ZEB2: variants seen among roughly 807,000 people sequenced by gnomAD.
ZEB2 encodes the protein zinc finger E-box binding homeobox 2.
In ZEB2, 6 loss-of-function variants were observed where a neutral mutation model predicts 99.9. The ratio of observed to expected loss-of-function variants is 0.06; its 90% confidence interval spans 0.03 to 0.12. The LOEUF is 0.12. Among genes scored for constraint, ZEB2 ranks in the 10% least tolerant of loss-of-function variants. ZEB2 has a pLI of 1.00. For synonymous variants in ZEB2, 517 were observed against 542.5 expected (o/e 0.95, Z 0.65); for missense variants, 969 against 1,502.8 (o/e 0.64, Z 5.87).
intron 2 of ZEB2, among the ~76,000 whole-genome samples, chr2:144,472,553 C>CG: frequency 6.6e-6 from 1 of 152,186 alleles, no homozygotes; most frequent in East Asian, 1.9e-4. Context: ...TCTTATTACT[C>CG]ATCACAACAA....
intron 2 of ZEB2, among the ~76,000 whole-genome samples, chr2:144,483,635 A>G (rs1376648232): frequency 6.6e-6 from 1 of 152,226 alleles, no homozygotes; most frequent in Admixed American, 6.5e-5. Context: ...GAGATGTGAA[A>G]AAATGTTAAC....
intron 6 of ZEB2, among the ~76,000 whole-genome samples, chr2:144,403,181 C>T (rs947196949): frequency 6.6e-5 from 10 of 152,140 alleles, no homozygotes; most frequent in Non-Finnish European, 1.5e-4. Context: ...TTAAGGAACA[C>T]TGTGAATCAA....
chr2:144,491,718 T>C (rs892632282), intron 2 of ZEB2, among the ~76,000 whole-genome samples: 12 of 152,220 alleles, frequency 7.9e-5, no homozygotes, highest in African/African-American at 2.9e-4. Context: ...AAGGCAGTAA[T>C]TAATTCACTT....
intron 2 of ZEB2, among the ~76,000 whole-genome samples, chr2:144,441,543 A>T (rs934544044): frequency 4.4e-5 from 5 of 113,480 alleles, no homozygotes; most frequent in African/African-American, 1.1e-4. Context: ...TTAATTTTCT[A>T]AAAAAAAAAA....
rs1207835928 is a variant in ZEB2 at position 144,384,376 on chromosome 2, T to G, written c.*5075A>C. The G allele has an allele frequency of 6.6e-6, 1 of 152,132 alleles. No individual in the cohort carries two copies. The highest frequency in any genetic ancestry group is 1.9e-4 in the East Asian group (1 of 5,196). 9.4% of individuals were successfully genotyped at this position (152,132 alleles called of 1,614,324 possible). A position where few individuals can be genotyped will look rare whatever the true frequency, so the allele number is the denominator to read the frequency against. ...ATGAAGACTGAAGGATTTATTTCTG[T>G]TATTTAATAGCATTTGTTTAATTCC... On this transcript the variant is annotated 3_prime_UTR_variant, in exon 10 of 10. Coordinates refer to ENST00000627532, the MANE Select transcript of ZEB2 (RefSeq NM_014795.4).
At chr2:144,443,861 TA>T (rs78597039) in intron 2 of ZEB2, among the ~76,000 whole-genome samples, 7,840 of 142,874 alleles carry the variant, frequency 0.055, 263 homozygotes, top group South Asian at 0.11. Flanking sequence ...AAAATGTATT[TA>T]AAAAAAAAAA....
At chr2:144,485,298 T>C (rs1462917787) in intron 2 of ZEB2, among the ~76,000 whole-genome samples, 1 of 152,190 alleles carries the variant, frequency 6.6e-6, no homozygotes, top group African/African-American at 2.4e-5. Context: ...TGCCAGATTA[T>C]GCAATGATTT....
intron 2 of ZEB2, among the ~76,000 whole-genome samples, chr2:144,437,042 A>G (rs1258599815): frequency 6.6e-6 from 1 of 152,100 alleles, no homozygotes; most frequent in East Asian, 1.9e-4. Context: ...ACTCCTACCA[A>G]AGGAAACTAG....
In ZEB2 at chr2:144,389,046, T is replaced by C; in HGVS notation, c.*405A>G. 1 of 431,480 alleles carries C rather than the reference T, an allele frequency of 2.3e-6. No homozygotes were observed. Among genetic ancestry groups the C allele is most frequent in the South Asian group, 2.6e-5 (1 of 38,142 alleles). The allele number at this position is 431,480 out of a possible 1,614,324, so 26.7% of individuals were successfully genotyped here. The stretch of plus-strand genomic sequence containing the variant: ...AATTAAAAAGGAATAACAATAATAA[T>C]AATAAAAATACTGATGTATGGTAGT... On this transcript the variant is annotated 3_prime_UTR_variant, in exon 10 of 10. Transcript: ENST00000627532. The surrounding 1 kb of genome is among the most constrained non-coding windows in gnomAD (Gnocchi z 6.8).
chr2:144,420,202 T>C (rs555211113), intron 4 of ZEB2, among the ~76,000 whole-genome samples: 1 of 152,194 alleles, frequency 6.6e-6, no homozygotes, highest in South Asian at 2.1e-4. Flanking sequence ...CAAACATTTT[T>C]TTAGTCACTT....
At chr2:144,444,203 C>T (rs1414486378) in intron 2 of ZEB2, among the ~76,000 whole-genome samples, 1 of 152,176 alleles carries the variant, frequency 6.6e-6, no homozygotes, top group East Asian at 1.9e-4. Context: ...ACTTATGGTC[C>T]TTTCCATTTT....
At chr2:144,505,609 G>A (rs1704942428) in intron 2 of ZEB2, among the ~76,000 whole-genome samples, 1 of 152,158 alleles carries the variant, frequency 6.6e-6, no homozygotes, top group African/African-American at 2.4e-5. Context: ...GGTAGGAGGT[G>A]GGCTGGGAGT....
chr2:144,446,007 T>C (rs1703978151), intron 2 of ZEB2, among the ~76,000 whole-genome samples: 1 of 152,152 alleles, frequency 6.6e-6, no homozygotes. Context: ...AGGTAAGACA[T>C]GTGGGGATAC....
rs564469432 is a variant in ZEB2, at chr2:144,510,232, G to A, written c.73+7046C>T. On this transcript the variant is annotated intron_variant, in intron 2 of 9. Coordinates refer to ENST00000627532, the MANE Select transcript of ZEB2 (RefSeq NM_014795.4). ...AAATATGAATTATCATAAAAAGTCA[G>A]GGGGAAAAATGGGAAAGTCTTTTCC... 8.6e-5 allele frequency among the ~76,000 whole-genome samples: 13 copies of A among 151,916 alleles called. No homozygotes were observed. The South Asian group carries it at 2.7e-3, about 32-fold the overall frequency.
intron 2 of ZEB2, among the ~76,000 whole-genome samples, chr2:144,488,944 A>G (rs558490767): frequency 1.6e-4 from 25 of 152,208 alleles, no homozygotes; most frequent in Non-Finnish European, 3.2e-4. Flanking sequence ...TAATCTAACG[A>G]TGATTTGTAA....
Position 144,497,864 on chromosome 2 carries a change from TA to T in ZEB2, c.73+19413del, listed in dbSNP as rs56114103. Reference sequence around the variant, plus strand: ...ATATATGTCATTCTCAACATATATATATATATGTCATTCTCAACATATATAT... The same window carrying T: ...ATATATGTCATTCTCAACATATATATTATATGTCATTCTCAACATATATAT... On this transcript the variant is annotated intron_variant, in intron 2 of 9. Coordinates refer to ENST00000627532, the MANE Select transcript of ZEB2 (RefSeq NM_014795.4). The T allele has an allele frequency of 0.046, 93 of 2,018 alleles. 14 individuals carry two copies. In the Middle Eastern group the frequency reaches 0.61, roughly 13 times the overall value. 0.1% of individuals were successfully genotyped at this position (2,018 alleles called of 1,614,324 possible).
chr2:144,465,340 A>G (rs528773193), intron 2 of ZEB2, among the ~76,000 whole-genome samples: 4 of 152,322 alleles, frequency 2.6e-5, no homozygotes, highest in South Asian at 2.1e-4. Flanking sequence ...TTTTGAATGC[A>G]TGAATTTTCA....
intron 1 of ZEB2, 63 bp from the exon 2 acceptor site, chr2:144,517,482 G>A (rs1354914941): frequency 8.0e-6 from 9 of 1,118,144 alleles, no homozygotes; most frequent in African/African-American, 6.1e-5. Flanking sequence ...CGCGCGGGCC[G>A]CCCAGGGGAG....
intron 2 of ZEB2, among the ~76,000 whole-genome samples, chr2:144,444,616 A>T (rs1703959852): frequency 6.6e-6 from 1 of 152,244 alleles, no homozygotes; most frequent in African/African-American, 2.4e-5. Flanking sequence ...CATTCAAATG[A>T]TAATGAGTGT....
Sources: allele counts gnomAD v4.1 joint callset (sites outside exome capture counted in the v4.1 genomes callset), GRCh38; gene constraint gnomAD v4.1.1; non-coding constraint Gnocchi (gnomAD v3.1); transcripts MANE v1.5; gene names NCBI Gene and HGNC (gene_info 2026-07-23, HGNC 2026-07-21).